PIK3C2B: variants seen among roughly 807,000 people sequenced by gnomAD.
The protein encoded by PIK3C2B is phosphatidylinositol 4-phosphate 3-kinase C2 domain-containing subunit beta.
PIK3C2B carries 83 observed loss-of-function variants against 184.3 expected under a neutral mutation model. The ratio of observed to expected loss-of-function variants is 0.45; its 90% CI spans 0.38 to 0.54. The LOEUF (loss-of-function observed/expected upper bound fraction) is 0.54. Ranked by LOEUF, PIK3C2B falls within the 20% of genes least tolerant of loss-of-function variation. The probability of loss-of-function intolerance (pLI) is 0.00; values close to 1 mark genes in which losing one functional copy is unlikely to be tolerated. For missense variants in PIK3C2B, 1,736 were observed against 2,113.5 expected (o/e 0.82, Z 3.50); for synonymous variants, 779 against 837.6 (o/e 0.93, Z 1.21).
intron 21 of PIK3C2B, among the ~76,000 whole-genome samples, chr1:204,440,598 T>TC (rs1188360022): frequency 2.7e-4 from 1 of 3,684 alleles, no homozygotes; most frequent in Non-Finnish European, 8.1e-3. Flanking sequence ...CCATCAGGCC[T>TC]TTTTTTTTTT....
chr1:204,435,451 G>A (rs1354768124), intron 23 of PIK3C2B: 1 of 152,092 alleles, frequency 6.6e-6, no homozygotes, highest in African/African-American at 2.4e-5. Context: ...AGCAATGATC[G>A]TCATAGCCAG....
intron 1 of PIK3C2B, among the ~76,000 whole-genome samples, chr1:204,492,834 G>C (rs1658094419): frequency 6.6e-6 from 1 of 152,174 alleles, no homozygotes; most frequent in South Asian, 2.1e-4. Flanking sequence ...AGTAAGCTCA[G>C]AGCCATGGCA....
rs993950345 is a variant in PIK3C2B, at chr1:204,434,058, G to A, written c.3687-109C>T. The A allele has an allele frequency of 3.4e-4, 278 of 820,274 alleles. 2 individuals carry two copies. The East Asian group carries it at 6.6e-3, about 19-fold the overall frequency. 50.8% of individuals were successfully genotyped at this position (820,274 alleles called of 1,614,324 possible). ...TCATCCCTCATCACGTGGACACACT[G>A]GATAGAAGGGGCTCTAACTTTTTTC... On this transcript the variant is annotated intron_variant, in intron 24 of 32. Coordinates refer to ENST00000684373, the MANE Select transcript of PIK3C2B (RefSeq NM_001377334.1).
chr1:204,481,666 G>C lies in PIK3C2B; in HGVS notation c.-84-11780C>G, dbSNP rs546717013. Among the ~76,000 whole-genome samples the C allele has an allele frequency of 3.9e-5, 6 of 152,294 alleles. No homozygotes were observed. The East Asian group carries it at 1.2e-3, about 29-fold the overall frequency. On this transcript the variant is annotated intron_variant, in intron 1 of 32. Coordinates refer to ENST00000684373, the MANE Select transcript of PIK3C2B (RefSeq NM_001377334.1). ...GGGGGCAGCTCCGGCCCTTCCCCAAGCAGGCTGTTCTCTGCGTTCCAGCAG... is the reference window on the plus strand; with the variant it reads ...GGGGGCAGCTCCGGCCCTTCCCCAACCAGGCTGTTCTCTGCGTTCCAGCAG...
intron 2 of PIK3C2B, among the ~76,000 whole-genome samples, chr1:204,468,463 C>T (rs1656000487): frequency 6.6e-6 from 1 of 152,178 alleles, no homozygotes; most frequent in African/African-American, 2.4e-5. Flanking sequence ...CATCGCCACG[C>T]AGCGTTTTTG....
chr1:204,480,585 G>A (rs1463717186), intron 1 of PIK3C2B, among the ~76,000 whole-genome samples: 2 of 152,122 alleles, frequency 1.3e-5, no homozygotes, highest in African/African-American at 4.8e-5. Flanking sequence ...AGAGGAGGCA[G>A]GGCCAGCAGC....
intron 2 of PIK3C2B, among the ~76,000 whole-genome samples, chr1:204,468,649 C>T (rs1267340099): frequency 6.6e-6 from 1 of 152,210 alleles, no homozygotes; most frequent in Non-Finnish European, 1.5e-5. Flanking sequence ...GGCCAAGATA[C>T]ATGAAACCTG....
chr1:204,456,298 C>T (rs1654841113), intron 10 of PIK3C2B: 1 of 384,176 alleles, frequency 2.6e-6, no homozygotes, highest in East Asian at 3.9e-5. Context: ...CGTATTGCTA[C>T]TTAGCATTAA....
rs1572268706 is a variant in PIK3C2B at position 204,424,800 on chromosome 1, T to C, written c.*52A>G. On this transcript the variant is annotated 3_prime_UTR_variant, in exon 33 of 33. Transcript: ENST00000684373. ...AGGAGTCTCACAGGGGAGAGTCCTC[T>C]CCCCCAGCTCCTGCCACCAGCCTGG... 6.3e-7 allele frequency: 1 copy of C among 1,578,396 alleles called. No homozygotes were observed. The highest frequency in any genetic ancestry group is 1.1e-5 in the South Asian group (1 of 90,314).
At chr1:204,427,148 A>AC (rs1674789689) in intron 31 of PIK3C2B, among the ~76,000 whole-genome samples, 1 of 151,992 alleles carries the variant, frequency 6.6e-6, no homozygotes, top group East Asian at 1.9e-4. Context: ...AAAAAAAAAA[A>AC]AAGTTCCCTT....
intron 1 of PIK3C2B, among the ~76,000 whole-genome samples, chr1:204,485,969 G>C (rs565380652): frequency 6.6e-6 from 1 of 152,146 alleles, no homozygotes; most frequent in Non-Finnish European, 1.5e-5. Context: ...TTTATAATTT[G>C]TAATGTGCTC....
chr1:204,446,787 C>G (rs1014390093), intron 15 of PIK3C2B, among the ~76,000 whole-genome samples: 1 of 152,118 alleles, frequency 6.6e-6, no homozygotes. Context: ...GGGTGGACAT[C>G]AGGGACAGAG....
At chr1:204,460,439 G>C (rs1239104868) in intron 6 of PIK3C2B, 36 bp from the exon 7 acceptor site, 1 of 1,575,978 alleles carries the variant, frequency 6.3e-7, no homozygotes, top group African/African-American at 1.3e-5. Context: ...GAGGGGCGGT[G>C]CCCTTATCTC....
intron 12 of PIK3C2B, among the ~76,000 whole-genome samples, chr1:204,454,382 T>G (rs1401545312): frequency 6.7e-6 from 1 of 149,476 alleles, no homozygotes; most frequent in African/African-American, 2.5e-5. Flanking sequence ...CTCGGGAGGC[T>G]GAGACAGAAG....
At chr1:204,449,413 C>G in intron 13 of PIK3C2B, 117 bp from the exon 14 acceptor site, 2 of 742,718 alleles carry the variant, frequency 2.7e-6, no homozygotes, top group Non-Finnish European at 4.6e-6. Context: ...CAACTCCCCT[C>G]TCATTCTCAC....
At chr1:204,454,527 G>T in intron 12 of PIK3C2B, 142 bp downstream of exon 12, 1 of 757,982 alleles carries the variant, frequency 1.3e-6, no homozygotes, top group Non-Finnish European at 2.1e-6. Context: ...GACTCAAGAG[G>T]TTGAATGACT....
rs760236688 is a variant in PIK3C2B at position 204,440,141 on chromosome 1, CAAT to C, written c.3379+48_3379+50del. On this transcript the variant is annotated intron_variant, in intron 22 of 32. Transcript: ENST00000684373. ...TTTGTGTTGGCAATGGGCAGAAGGACAATAAGCAAAGCGGTCCCCTCCTCCACC... is the reference window on the plus strand; with the variant it reads ...TTTGTGTTGGCAATGGGCAGAAGGACAAGCAAAGCGGTCCCCTCCTCCACC... The C allele has an allele frequency of 1.3e-5, 21 of 1,563,522 alleles. No individual in the cohort carries two copies. In the African/African-American group the frequency reaches 2.8e-4, roughly 21 times the overall value.
intron 23 of PIK3C2B, among the ~76,000 whole-genome samples, chr1:204,436,255 G>A (rs1305463676): frequency 6.6e-6 from 1 of 152,144 alleles, no homozygotes; most frequent in Non-Finnish European, 1.5e-5. Context: ...CATTGCTGGG[G>A]GTGGTGGCTC....
intron 29 of PIK3C2B, 128 bp downstream of exon 29, chr1:204,429,792 AT>A: frequency 1.5e-6 from 1 of 675,836 alleles, no homozygotes; most frequent in Non-Finnish European, 2.7e-6. Context: ...AGCATTGGTC[AT>A]TCAGCCCACA....
Sources: gnomAD v4.1 joint callset for allele counts (sites outside exome capture counted in the v4.1 genomes callset) on GRCh38, gnomAD v4.1.1 for gene constraint, MANE v1.5 for transcripts, NCBI Gene and HGNC (gene_info 2026-07-23, HGNC 2026-07-21) for gene names.